AK5: variants seen among roughly 807,000 people sequenced by gnomAD.
AK5 encodes the protein adenylate kinase 5, also known as adenylate kinase isoenzyme 5.
In AK5, 27 loss-of-function variants were observed where a neutral mutation model predicts 69.5. The ratio of observed to expected loss-of-function variants is 0.39; its 90% confidence interval spans 0.29 to 0.54. The LOEUF (loss-of-function observed/expected upper bound fraction) is 0.54. Ranked by LOEUF, AK5 falls within the 20% of genes least tolerant of loss-of-function variation. The pLI is 0.71. For synonymous variants in AK5, 260 were observed against 244.4 expected, an observed-to-expected ratio of 1.06 and a Z score of -0.60; for missense variants, 531 against 700.4, an observed-to-expected ratio of 0.76 and a Z score of 2.73.
intron 8 of AK5, among the ~76,000 whole-genome samples, chr1:77,449,630 T>A (rs1653009044): frequency 6.6e-6 from 1 of 152,174 alleles, no homozygotes; most frequent in Non-Finnish European, 1.5e-5. Context: ...TGTGAGGACA[T>A]GAGATTTGGG....
chr1:77,315,493 A>G (rs974371248), intron 5 of AK5, among the ~76,000 whole-genome samples: 1 of 152,152 alleles, frequency 6.6e-6, no homozygotes, highest in African/African-American at 2.4e-5. Context: ...TTTAAGCACA[A>G]TGTGATTTAA....
chr1:77,485,149 G>C (rs1655509144), intron 9 of AK5, among the ~76,000 whole-genome samples: 1 of 152,168 alleles, frequency 6.6e-6, no homozygotes, highest in East Asian at 1.9e-4. Context: ...AACAATGTAA[G>C]GTGTTTCCTG....
intron 6 of AK5, among the ~76,000 whole-genome samples, chr1:77,380,373 G>T (rs1418898139): frequency 1.3e-5 from 2 of 152,034 alleles, no homozygotes; most frequent in Non-Finnish European, 2.9e-5. Flanking sequence ...GTAGGTAACT[G>T]CCTCAAGTCA....
chr1:77,362,481 T>C (rs1304853207), intron 6 of AK5, among the ~76,000 whole-genome samples: 1 of 152,158 alleles, frequency 6.6e-6, no homozygotes, highest in Non-Finnish European at 1.5e-5. Context: ...AGGATCACTA[T>C]GGTATCAACT....
intron 13 of AK5, among the ~76,000 whole-genome samples, chr1:77,549,408 A>G (rs1478989597): frequency 6.6e-6 from 1 of 152,158 alleles, no homozygotes; most frequent in Non-Finnish European, 1.5e-5. Flanking sequence ...AGGGTAAATG[A>G]GGTATCTATC....
chr1:77,314,214 C>T (rs980428595), intron 5 of AK5: 3 of 275,550 alleles, frequency 1.1e-5, no homozygotes, highest in African/African-American at 2.2e-5. Context: ...GAATCTGCTC[C>T]AAGTCACATG....
intron 6 of AK5, 91 bp downstream of exon 6, chr1:77,340,659 C>G: frequency 1.6e-6 from 2 of 1,272,812 alleles, no homozygotes; most frequent in East Asian, 2.4e-5. Context: ...TCCTCTTTAC[C>G]TTAAAAAGTG....
At chr1:77,362,087 C>A (rs1477286509) in intron 6 of AK5, among the ~76,000 whole-genome samples, 1 of 152,098 alleles carries the variant, frequency 6.6e-6, no homozygotes, top group Non-Finnish European at 1.5e-5. Flanking sequence ...TGAGGGAATA[C>A]ACATATGGTG....
At chr1:77,364,966 G>A (rs1057031875) in intron 6 of AK5, among the ~76,000 whole-genome samples, 1 of 152,080 alleles carries the variant, frequency 6.6e-6, no homozygotes, top group Non-Finnish European at 1.5e-5. Context: ...CATAGTGGCT[G>A]TACTAGTTTA....
intron 10 of AK5, among the ~76,000 whole-genome samples, chr1:77,512,223 A>G (rs931358736): frequency 6.6e-6 from 1 of 152,190 alleles, no homozygotes; most frequent in Non-Finnish European, 1.5e-5. Context: ...TGTCACATAT[A>G]TACGTATGTG....
chr1:77,489,740 T>G (rs1220507971), intron 10 of AK5, among the ~76,000 whole-genome samples: 1 of 152,218 alleles, frequency 6.6e-6, no homozygotes, highest in Admixed American at 6.5e-5. Flanking sequence ...TAAAGCATTC[T>G]TCCCCTGTTT....
chr1:77,478,381 C>T (rs1427988124), intron 8 of AK5, among the ~76,000 whole-genome samples: 1 of 152,164 alleles, frequency 6.6e-6, no homozygotes, highest in Non-Finnish European at 1.5e-5. Context: ...CTTTCCTATG[C>T]TGTTCTCATG....
At chr1:77,319,954 G>A (rs750299509) in intron 5 of AK5, among the ~76,000 whole-genome samples, 2 of 152,138 alleles carry the variant, frequency 1.3e-5, no homozygotes, top group Non-Finnish European at 2.9e-5. Context: ...TTCTACAGAA[G>A]GTGTATTAGT....
chr1:77,512,284 C>T (rs1047123614), intron 10 of AK5, among the ~76,000 whole-genome samples: 4 of 152,084 alleles, frequency 2.6e-5, no homozygotes, highest in Admixed American at 6.5e-5. Context: ...CGTGCACACA[C>T]GGGTATATCT....
At chr1:77,489,312 G>A (rs1415134163) in intron 10 of AK5, among the ~76,000 whole-genome samples, 1 of 152,164 alleles carries the variant, frequency 6.6e-6, no homozygotes, top group Non-Finnish European at 1.5e-5. Context: ...TTACTGATCA[G>A]TCACTCTTCT....
intron 8 of AK5, among the ~76,000 whole-genome samples, chr1:77,457,322 T>C (rs1235428036): frequency 6.6e-6 from 1 of 152,186 alleles, no homozygotes; most frequent in Non-Finnish European, 1.5e-5. Flanking sequence ...TTACAGTTGG[T>C]TTTTATTCTT....
intron 8 of AK5, among the ~76,000 whole-genome samples, chr1:77,434,624 C>T (rs886804194): frequency 6.6e-6 from 1 of 152,138 alleles, no homozygotes; most frequent in African/African-American, 2.4e-5. Flanking sequence ...CTTTCCAAAG[C>T]TCAGTTTTCC....
rs113638724 is a variant in AK5 at position 77,516,389 on chromosome 1, G to C, written c.1148-2175G>C. 3.5e-3 allele frequency among the ~76,000 whole-genome samples: 526 copies of C among 151,682 alleles called. 7 individuals are homozygous for C. Among genetic ancestry groups the C allele is most frequent in the African/African-American group, 0.012 (500 of 41,356 alleles). On this transcript the variant is annotated intron_variant, in intron 10 of 13. Coordinates refer to ENST00000354567, the MANE Select transcript of AK5 (RefSeq NM_174858.3). ...GTTAACAACACTGTATTGTATACTT[G>C]AAATTAGCTAGAATAGATGTGAAAT...
intron 2 of AK5, among the ~76,000 whole-genome samples, chr1:77,292,677 C>T (rs1658758796): frequency 6.6e-6 from 1 of 152,288 alleles, no homozygotes; most frequent in South Asian, 2.1e-4. Context: ...TCTTCCGGTC[C>T]TTTTGAGTAT....
Sources: gnomAD v4.1 joint callset for allele counts (sites outside exome capture counted in the v4.1 genomes callset) on GRCh38, gnomAD v4.1.1 for gene constraint, MANE v1.5 for transcripts, NCBI Gene and HGNC (gene_info 2026-07-23, HGNC 2026-07-21) for gene names.